TRPM3: variants seen among roughly 807,000 people sequenced by gnomAD.
The protein encoded by TRPM3 is long transient receptor potential channel 3.
In TRPM3, 77 loss-of-function variants were observed where a neutral mutation model predicts 181.2. The ratio of observed to expected loss-of-function variants is 0.42; its 90% confidence interval spans 0.35 to 0.51. The LOEUF is 0.51. TRPM3 is among the 20% of genes least tolerant of loss of function. The probability of loss-of-function intolerance (pLI) is 0.01; values close to 1 mark genes in which losing one functional copy is unlikely to be tolerated. For synonymous variants in TRPM3, 745 were observed against 796.4 expected (o/e 0.94, Z 1.09); for missense variants, 1,759 against 2,196.7 (o/e 0.80, Z 3.98).
In TRPM3 at chr9:71,052,574, C is replaced by A. The variant is rs75850624; in HGVS notation, c.177+68604G>T. Among the ~76,000 whole-genome samples the A allele has an allele frequency of 8.5e-5, 13 of 152,232 alleles. 1 individual carries two copies. In the East Asian group the frequency reaches 2.5e-3, roughly 30 times the overall value. ...GCTCTATCTACTGAAATCAGAAAAT[C>A]ACTTACGCTTCTTGCAAACACCTTA... On this transcript the variant is annotated intron_variant, in intron 1 of 25. Transcript: ENST00000677713.
intron 1 of TRPM3, among the ~76,000 whole-genome samples, chr9:70,914,921 T>C (rs1210069232): frequency 2.0e-5 from 3 of 152,178 alleles, no homozygotes; most frequent in South Asian, 4.1e-4. Flanking sequence ...CTAATGAAGA[T>C]ATAGCTTAGA....
chr9:70,761,101 C>A (rs569453003), intron 8 of TRPM3: 46 of 242,418 alleles, frequency 1.9e-4, no homozygotes, highest in Non-Finnish European at 3.4e-4. Flanking sequence ...AGACATTTTG[C>A]TCTGATTTTA....
intron 1 of TRPM3, among the ~76,000 whole-genome samples, chr9:71,059,277 G>C (rs2061033847): frequency 6.6e-6 from 1 of 151,714 alleles, no homozygotes; most frequent in African/African-American, 2.4e-5. Flanking sequence ...TTCTCTAGGA[G>C]ATTTCAGGCC....
At chr9:71,002,552 T>C (rs2097618955) in intron 1 of TRPM3, among the ~76,000 whole-genome samples, 2 of 152,302 alleles carry the variant, frequency 1.3e-5, no homozygotes, top group South Asian at 4.1e-4. Context: ...TTGACTCTTT[T>C]CTCCTTCCAC....
At chr9:71,196,937 T>C (rs973494650) in intron 1 of TRPM3, among the ~76,000 whole-genome samples, 8 of 142,962 alleles carry the variant, frequency 5.6e-5, no homozygotes, top group African/African-American at 2.1e-4. Context: ...GTTACATATG[T>C]ATACATGTGC....
exon 1 of TRPM3, chr9:71,446,681 C>A: frequency 6.5e-7 from 1 of 1,550,338 alleles, no homozygotes; most frequent in Non-Finnish European, 8.7e-7. Flanking sequence ...GAGTCCCGAG[C>A]GTTTGGTGGA....
At chr9:70,900,543 C>T (rs905215062) in intron 1 of TRPM3, among the ~76,000 whole-genome samples, 8 of 152,118 alleles carry the variant, frequency 5.3e-5, no homozygotes, top group East Asian at 1.9e-4. Flanking sequence ...TTTCCAAAGG[C>T]GTATTCTCTA....
chr9:71,365,900 A>C (rs1588682737), intron 1 of TRPM3, among the ~76,000 whole-genome samples: 1 of 152,196 alleles, frequency 6.6e-6, no homozygotes, highest in Non-Finnish European at 1.5e-5. Context: ...ACCAATATAC[A>C]GATAAATATT....
chr9:70,901,563 A>G (rs934103731), intron 1 of TRPM3, among the ~76,000 whole-genome samples: 6 of 152,226 alleles, frequency 3.9e-5, no homozygotes, highest in Non-Finnish European at 8.8e-5. Context: ...AAATATACTC[A>G]GGAGATTTTT....
At chr9:70,681,809 A>G (rs1161208050) in intron 8 of TRPM3, among the ~76,000 whole-genome samples, 1 of 152,196 alleles carries the variant, frequency 6.6e-6, no homozygotes, top group Admixed American at 6.5e-5. Flanking sequence ...TGTTTTGGTC[A>G]TAACCATATA....
At chr9:71,349,968 C>CATATATATATAT (rs758622802) in intron 1 of TRPM3, among the ~76,000 whole-genome samples, 2 of 67,910 alleles carry the variant, frequency 2.9e-5, no homozygotes, top group African/African-American at 1.0e-4. Context: ...ATTGTAAGTG[C>CATATATATATAT]ATATATATAT....
chr9:71,003,846 C>T (rs954904953), intron 1 of TRPM3, among the ~76,000 whole-genome samples: 3 of 151,694 alleles, frequency 2.0e-5, no homozygotes, highest in African/African-American at 4.8e-5. Flanking sequence ...AAGTAGAGAA[C>T]GCCCTGGGCT....
At chr9:71,413,635 T>C (rs999489966) in intron 1 of TRPM3, among the ~76,000 whole-genome samples, 1 of 152,094 alleles carries the variant, frequency 6.6e-6, no homozygotes. Flanking sequence ...TTGGGAGGTA[T>C]TTAGGTCAAG....
chr9:71,216,775 C>T (rs1198045498), intron 1 of TRPM3, among the ~76,000 whole-genome samples: 1 of 152,124 alleles, frequency 6.6e-6, no homozygotes, highest in Non-Finnish European at 1.5e-5. Context: ...AGGTGCTCAA[C>T]ACAGGTTCAT....
At chr9:70,986,967 T>C (rs1041612708) in intron 1 of TRPM3, among the ~76,000 whole-genome samples, 20 of 151,852 alleles carry the variant, frequency 1.3e-4, no homozygotes, top group Admixed American at 2.6e-4. Flanking sequence ...CTTTCAGTCA[T>C]GGGTGACTTT....
At chr9:70,761,255 A>G (rs1279578783) in intron 8 of TRPM3, 13 of 596,726 alleles carry the variant, frequency 2.2e-5, no homozygotes, top group South Asian at 2.1e-5. Flanking sequence ...CATGACTTCC[A>G]AGCAAAATGA....
At chr9:71,178,454 C>T (rs2077225175) in intron 1 of TRPM3, among the ~76,000 whole-genome samples, 3 of 152,064 alleles carry the variant, frequency 2.0e-5, no homozygotes, top group South Asian at 2.1e-4. Context: ...TTTGTTCAAA[C>T]TCATCATTGT....
chr9:70,982,859 C>A (rs2097376967), intron 1 of TRPM3, among the ~76,000 whole-genome samples: 1 of 152,086 alleles, frequency 6.6e-6, no homozygotes, highest in Non-Finnish European at 1.5e-5. Context: ...CGCCACCACA[C>A]CTGGCTAATT....
chr9:71,358,913 A>G (rs903401651), intron 1 of TRPM3, among the ~76,000 whole-genome samples: 1 of 152,224 alleles, frequency 6.6e-6, no homozygotes, highest in East Asian at 1.9e-4. Context: ...ACTTTCTGTG[A>G]GCTGCAATCA....
Sources: allele counts gnomAD v4.1 joint callset (sites outside exome capture counted in the v4.1 genomes callset), GRCh38; gene constraint gnomAD v4.1.1; transcripts MANE v1.5; gene names NCBI Gene and HGNC (gene_info 2026-07-23, HGNC 2026-07-21).